The following TRIM5 variants were observed in gnomAD, a reference collection of about 807,000 sequenced individuals.
TRIM5 encodes the protein tripartite motif-containing protein 5.
Under a neutral mutation model 35.6 loss-of-function variants are expected in TRIM5, and 31 were observed. The observed-to-expected ratio is 0.87, with a 90% confidence interval of 0.65 to 1.18. The LOEUF (loss-of-function observed/expected upper bound fraction) is 1.18, where lower values mean the gene tolerates loss of function less well. Among genes scored for constraint, TRIM5 ranks in the 50% most tolerant of loss-of-function variants. TRIM5 has a pLI of 0.00. For missense variants in TRIM5, 609 were observed against 591.6 expected (o/e 1.03, Z -0.31); for synonymous variants, 243 against 215.6 (o/e 1.13, Z -1.11).
the TRIM5 span, chr11:5,642,823 C>G: frequency 1.9e-6 from 3 of 1,614,022 alleles, no homozygotes; most frequent in Non-Finnish European, 1.7e-6. Flanking sequence ...TCAGAACTGA[C>G]AGCTGTCCGG....
the TRIM5 span, among the ~76,000 whole-genome samples, chr11:5,648,355 A>T: frequency 6.6e-6 from 1 of 151,756 alleles, no homozygotes; most frequent in Non-Finnish European, 1.5e-5. Flanking sequence ...AAATACAAAA[A>T]ATTAGCCGGG....
intron 4 of TRIM5, among the ~76,000 whole-genome samples, chr11:5,677,778 TTTAA>T (rs1852107782): frequency 6.6e-6 from 1 of 152,188 alleles, no homozygotes; most frequent in Admixed American, 6.5e-5. Flanking sequence ...ATAGCAGTTA[TTTAA>T]TTCTTTTCAG....
intron 4 of TRIM5, chr11:5,677,947 A>G (rs560292656): frequency 1.8e-5 from 6 of 333,496 alleles, no homozygotes; most frequent in African/African-American, 1.3e-4. Flanking sequence ...AGAGAATAGG[A>G]ACCTATCAAA....
At chr11:5,666,472 C>A (rs1036393766) in intron 5 of TRIM5, among the ~76,000 whole-genome samples, 1 of 152,046 alleles carries the variant, frequency 6.6e-6, no homozygotes, top group Non-Finnish European at 1.5e-5. Flanking sequence ...AACATCATCG[C>A]TATGTATGTT....
the TRIM5 span, chr11:5,596,973 C>T: frequency 1.9e-6 from 3 of 1,613,136 alleles, no homozygotes; most frequent in East Asian, 6.7e-5. Flanking sequence ...GGTGACAGGG[C>T]AGTGAAAGAG....
the TRIM5 span, chr11:5,608,278 G>C: frequency 1.3e-6 from 2 of 1,553,620 alleles, no homozygotes; most frequent in Non-Finnish European, 1.7e-6. Context: ...ATCTTTATTT[G>C]TATCATATCA....
At chr11:5,603,357 C>T in the TRIM5 span, 2 of 1,614,062 alleles carry the variant, frequency 1.2e-6, no homozygotes, top group Non-Finnish European at 1.7e-6. Context: ...AGGTGACCTG[C>T]CCTATCTGCC....
At chr11:5,623,011 C>T in the TRIM5 span, among the ~76,000 whole-genome samples, 1 of 150,654 alleles carries the variant, frequency 6.6e-6, no homozygotes, top group African/African-American at 2.4e-5. Context: ...AGATAAAAGA[C>T]AAACAGGTTG....
At chr11:5,623,776 T>C in the TRIM5 span, among the ~76,000 whole-genome samples, 1 of 152,260 alleles carries the variant, frequency 6.6e-6, no homozygotes, top group African/African-American at 2.4e-5. Context: ...TCCCAAGGTA[T>C]TGGATGTGGA....
At chr11:5,632,524 T>A in the TRIM5 span, 3 of 1,613,926 alleles carry the variant, frequency 1.9e-6, no homozygotes, top group Non-Finnish European at 2.5e-6. Context: ...CAGTTACTCA[T>A]TTGAACATCT....
At chr11:5,622,646 A>C in the TRIM5 span, among the ~76,000 whole-genome samples, 1 of 147,520 alleles carries the variant, frequency 6.8e-6, no homozygotes, top group Non-Finnish European at 1.5e-5. Flanking sequence ...AATAAAAAAA[A>C]CCGGAAAAAA....
chr11:5,656,606 G>A, the TRIM5 span, among the ~76,000 whole-genome samples: 2 of 151,966 alleles, frequency 1.3e-5, no homozygotes, highest in Non-Finnish European at 2.9e-5. Flanking sequence ...CGCCCACCTC[G>A]GCCTCCCAAA....
chr11:5,629,533 A>G, the TRIM5 span, among the ~76,000 whole-genome samples: 1 of 152,128 alleles, frequency 6.6e-6, no homozygotes, highest in African/African-American at 2.4e-5. Context: ...GAGAATTGGC[A>G]TTGTATCATC....
chr11:5,675,834 A>C (rs1851928972), intron 4 of TRIM5, among the ~76,000 whole-genome samples: 1 of 92,158 alleles, frequency 1.1e-5, no homozygotes. Flanking sequence ...TATATCTCCC[A>C]GTGCTATCCC....
At chr11:5,621,232 A>C in the TRIM5 span, among the ~76,000 whole-genome samples, 1 of 152,172 alleles carries the variant, frequency 6.6e-6, no homozygotes, top group African/African-American at 2.4e-5. Context: ...CTTTTGGGAT[A>C]TTTATGACTT....
chr11:5,612,156 T>C, the TRIM5 span: 1 of 152,252 alleles, frequency 6.6e-6, no homozygotes, highest in Non-Finnish European at 1.5e-5. Context: ...TTAGATTTTG[T>C]TCTCATCTAT....
the TRIM5 span, chr11:5,644,423 G>C: frequency 7.6e-6 from 3 of 394,828 alleles, no homozygotes; most frequent in African/African-American, 6.2e-5. Context: ...AATGTCCTGT[G>C]CAATAGTTTT....
At chr11:5,609,612 C>G in the TRIM5 span, among the ~76,000 whole-genome samples, 6 of 151,976 alleles carry the variant, frequency 3.9e-5, no homozygotes, top group African/African-American at 1.4e-4. Flanking sequence ...AACAGAAAAA[C>G]AAAATGAGAC....
In TRIM5 at chr11:5,680,231, A is replaced by C; in HGVS notation, c.-54T>G. 6.6e-7 allele frequency: 1 copy of C among 1,515,834 alleles called. No homozygotes were observed. The highest frequency in any genetic ancestry group is 8.9e-7 in the Non-Finnish European group (1 of 1,127,924). The allele number at this position is 1,515,834 out of a possible 1,614,324, so 93.9% of individuals were successfully genotyped here. On this transcript the variant is annotated 5_prime_UTR_variant, in exon 2 of 8. Coordinates refer to ENST00000380034, the MANE Select transcript of TRIM5 (RefSeq NM_033034.3). ...CTGGCTGCTGAGGTTCCTCTTGTTCACAGATCCCTGCATGATTGGGAAGGT... is the reference window on the plus strand; with the variant it reads ...CTGGCTGCTGAGGTTCCTCTTGTTCCCAGATCCCTGCATGATTGGGAAGGT...
Sources: allele counts gnomAD v4.1 joint callset (sites outside exome capture counted in the v4.1 genomes callset), GRCh38; gene constraint gnomAD v4.1.1; transcripts MANE v1.5; gene names NCBI Gene and HGNC (gene_info 2026-07-23, HGNC 2026-07-21).